The following PSME3IP1 variants were observed in gnomAD, a reference collection of about 807,000 sequenced individuals.
PSME3IP1 encodes proteasome activator subunit 3 interacting protein 1.
A neutral mutation model predicts 34.1 loss-of-function variants in PSME3IP1; 13 were observed. The ratio of observed to expected loss-of-function variants is 0.38; its 90% CI spans 0.25 to 0.61. The LOEUF is 0.61. PSME3IP1 is among the 20% of genes least tolerant of loss of function. The pLI, the probability that PSME3IP1 is intolerant of heterozygous loss-of-function variation, is 0.60. For synonymous variants in PSME3IP1, 93 were observed against 114.3 expected (o/e 0.81, Z 1.19); for missense variants, 237 against 301.4 (o/e 0.79, Z 1.58).
At chr16:57,159,738 T>A (rs1365573791) in intron 6 of PSME3IP1, among the ~76,000 whole-genome samples, 1 of 152,128 alleles carries the variant, frequency 6.6e-6, no homozygotes, top group African/African-American at 2.4e-5. Context: ...CACAGCTGTC[T>A]GCCTGAGATA....
chr16:57,166,918 C>T (rs1042986465), intron 5 of PSME3IP1, among the ~76,000 whole-genome samples, 175 bp downstream of exon 5: 4 of 152,094 alleles, frequency 2.6e-5, no homozygotes, highest in Non-Finnish European at 4.4e-5. Context: ...ATCAGAGAGA[C>T]GAGGGTCAAA....
chr16:57,178,619 T>C (rs1452094825), intron 1 of PSME3IP1: 1 of 985,154 alleles, frequency 1.0e-6, no homozygotes, highest in Non-Finnish European at 1.2e-6. Flanking sequence ...AAGCAAGTAT[T>C]TGCTGAAGTG....
chr16:57,180,070 G>A (rs1414044451), intron 1 of PSME3IP1, among the ~76,000 whole-genome samples: 1 of 152,126 alleles, frequency 6.6e-6, no homozygotes, highest in African/African-American at 2.4e-5. Context: ...TTTATTACTA[G>A]GCAAAGTGAA....
Position 57,164,754 on chromosome 16 carries a change from G to A in PSME3IP1, c.483-689C>T, listed in dbSNP as rs143441487. Among the ~76,000 whole-genome samples the A allele has an allele frequency of 9.8e-4, 149 of 152,254 alleles. 1 individual carries two copies. The highest frequency in any genetic ancestry group is 3.3e-3 in the African/African-American group (137 of 41,550). ...CATTTAAGACTTATGTGGGAGGCCC[G>A]GGTGCGGTGGCTGACGCCTGTAATC... On this transcript the variant is annotated intron_variant, in intron 5 of 6. Coordinates refer to ENST00000309137, the MANE Select transcript of PSME3IP1 (RefSeq NM_024946.4).
At chr16:57,176,007 G>A (rs909125015) in intron 1 of PSME3IP1, among the ~76,000 whole-genome samples, 2 of 152,154 alleles carry the variant, frequency 1.3e-5, no homozygotes, top group East Asian at 3.8e-4. Context: ...ACTGACAGAC[G>A]CTGTTGCTCC....
chr16:57,175,296 A>C (rs2073077163), intron 1 of PSME3IP1, among the ~76,000 whole-genome samples: 1 of 152,150 alleles, frequency 6.6e-6, no homozygotes, highest in Admixed American at 6.5e-5. Context: ...TACAGGGGTG[A>C]GCCACCGCAC....
At position 57,173,692 on chromosome 16, in the gene PSME3IP1, G is replaced by A. The variant is rs760147823; in HGVS notation, c.127+36C>T. ...TACCTACTCTGCAGGGTTGCTGTGT[G>A]GATTAAAGACCATTATACTGACTGT... is the stretch of plus-strand genomic sequence containing the variant. On this transcript the variant is annotated intron_variant, in intron 2 of 6. Coordinates refer to ENST00000309137, the MANE Select transcript of PSME3IP1 (RefSeq NM_024946.4). 2.5e-6 allele frequency: 4 copies of A among 1,610,718 alleles called. No individual in the cohort carries two copies. The South Asian group carries it at 4.4e-5, about 18-fold the overall frequency.
chr16:57,162,930 C>G (rs564747932), intron 6 of PSME3IP1, among the ~76,000 whole-genome samples: 1 of 151,968 alleles, frequency 6.6e-6, no homozygotes, highest in African/African-American at 2.4e-5. Context: ...TTTGGGAGGC[C>G]GAGGCAGGCA....
At chr16:57,160,255 A>C (rs1258026912) in intron 6 of PSME3IP1, among the ~76,000 whole-genome samples, 1 of 151,528 alleles carries the variant, frequency 6.6e-6, no homozygotes, top group East Asian at 1.9e-4. Flanking sequence ...GCGCCACTGC[A>C]GTCCGCAGTC....
chr16:57,169,430 T>C (rs1373319425), intron 4 of PSME3IP1, among the ~76,000 whole-genome samples: 1 of 152,240 alleles, frequency 6.6e-6, no homozygotes, highest in Non-Finnish European at 1.5e-5. Flanking sequence ...AATCCTTCAA[T>C]TCCTATCTCA....
chr16:57,173,625 T>C, intron 2 of PSME3IP1, 103 bp downstream of exon 2: 1 of 1,412,004 alleles, frequency 7.1e-7, no homozygotes, highest in East Asian at 2.5e-5. Flanking sequence ...TGAGACTCCG[T>C]CTCAAAAAAA....
chr16:57,174,359 T>C, intron 1 of PSME3IP1: 1 of 794,866 alleles, frequency 1.3e-6, no homozygotes, highest in Non-Finnish European at 1.5e-6. Context: ...TGAATACATT[T>C]TTCCTGACAT....
chr16:57,162,727 A>AG (rs1409452306), intron 6 of PSME3IP1, among the ~76,000 whole-genome samples: 2 of 152,124 alleles, frequency 1.3e-5, no homozygotes, highest in Admixed American at 1.3e-4. Flanking sequence ...ACAAAGAAAA[A>AG]AAAAAAATCA....
chr16:57,162,033 G>A (rs1452209260), intron 6 of PSME3IP1, among the ~76,000 whole-genome samples: 1 of 151,960 alleles, frequency 6.6e-6, no homozygotes, highest in East Asian at 1.9e-4. Context: ...GCCTCCTGAG[G>A]AGCTGGGATT....
At chr16:57,183,435 C>T (rs1390352332) in intron 1 of PSME3IP1, among the ~76,000 whole-genome samples, 2 of 152,052 alleles carry the variant, frequency 1.3e-5, no homozygotes, top group East Asian at 1.9e-4. Context: ...CAGGTTCAAG[C>T]GATTCTCCTA....
At chr16:57,166,614 C>G (rs1156706770) in intron 5 of PSME3IP1, among the ~76,000 whole-genome samples, 1 of 152,156 alleles carries the variant, frequency 6.6e-6, no homozygotes, top group East Asian at 1.9e-4. Context: ...TGCTCCTCCT[C>G]CTTGCTCTCA....
At position 57,172,852 on chromosome 16, in the gene PSME3IP1, G is replaced by A. The variant is rs2072755049; in HGVS notation, c.150C>T (p.Asp50=). The change falls in exon 3 of 7, where the codon GAC becomes GAT. Residue 50 remains aspartate, a synonymous_variant. Coordinates refer to ENST00000309137, the MANE Select transcript of PSME3IP1 (RefSeq NM_024946.4). ...GTAGCCTTTCATATAGAGATCGAGGGTCATAAACCTCCTCTGGACATTCTG... is the reference window on the plus strand; with the variant it reads ...GTAGCCTTTCATATAGAGATCGAGGATCATAAACCTCCTCTGGACATTCTG... The part of the protein sequence containing the change: ...DPEECPEEVY[D]PRSLYERLQE... 1 of 1,612,042 alleles carries A rather than the reference G, an allele frequency of 6.2e-7. No individual in the cohort carries two copies. Among genetic ancestry groups the A allele is most frequent in the Non-Finnish European group, 8.5e-7 (1 of 1,178,102 alleles).
intron 1 of PSME3IP1, among the ~76,000 whole-genome samples, chr16:57,177,173 A>C (rs2073253525): frequency 6.6e-6 from 1 of 152,018 alleles, no homozygotes; most frequent in African/African-American, 2.4e-5. Context: ...TAAAAGAGAA[A>C]ATTTAAAAAT....
intron 6 of PSME3IP1, among the ~76,000 whole-genome samples, chr16:57,160,246 C>T (rs1460866308): frequency 2.7e-5 from 4 of 150,850 alleles, no homozygotes; most frequent in South Asian, 2.1e-4. Context: ...GCCGAGATTG[C>T]GCCACTGCAG....
Sources: allele counts gnomAD v4.1 joint callset (sites outside exome capture counted in the v4.1 genomes callset), GRCh38; gene constraint gnomAD v4.1.1; transcripts MANE v1.5; gene names NCBI Gene and HGNC (gene_info 2026-07-23, HGNC 2026-07-21).